Variants in MCF2L2 observed in about 807,000 individuals in gnomAD.
The protein encoded by MCF2L2 is MCF.2 cell line derived transforming sequence-like 2.
Under a neutral mutation model 150.2 loss-of-function variants are expected in MCF2L2, and 102 were observed. The ratio of observed to expected loss-of-function variants is 0.68; its 90% CI spans 0.58 to 0.80. The LOEUF (loss-of-function observed/expected upper bound fraction) is 0.80, where lower values mean the gene tolerates loss of function less well. Ranked by LOEUF, MCF2L2 falls within the 30% of genes least tolerant of loss-of-function variation. MCF2L2 has a pLI of 0.00. For synonymous variants in MCF2L2, 465 were observed against 491.3 expected (o/e 0.95, Z 0.71); for missense variants, 1,256 against 1,372.8 (o/e 0.91, Z 1.34).
intron 15 of MCF2L2, chr3:183,271,036 G>A (rs1726728591): frequency 8.6e-7 from 1 of 1,159,964 alleles, no homozygotes; most frequent in Non-Finnish European, 1.2e-6. Flanking sequence ...GAGGACGAAA[G>A]ACAAATATTT....
chr3:183,418,107 G>A lies in MCF2L2; in HGVS notation c.76+9795C>T, dbSNP rs1319486316. Among the ~76,000 whole-genome samples the A allele has an allele frequency of 2.6e-5, 4 of 152,230 alleles. No homozygotes were observed. The South Asian group carries it at 6.2e-4, about 24-fold the overall frequency. ...GGAGGCTGAGGCAGAAGAATCACTT[G>A]GACCCAGGAGGCAGAGGTTGCAGTG... is the stretch of plus-strand genomic sequence containing the variant. On this transcript the variant is annotated intron_variant, in intron 1 of 29. Transcript: ENST00000328913.
At position 183,180,447 on chromosome 3, in the gene MCF2L2, C is replaced by T. The variant is rs528230593; in HGVS notation, c.3017-288G>A. 1.6e-3 allele frequency: 618 copies of T among 391,542 alleles called. 1 individual carries two copies. Among genetic ancestry groups the T allele is most frequent in the Non-Finnish European group, 2.4e-3 (522 of 219,086 alleles). 24.3% of individuals were successfully genotyped at this position (391,542 alleles called of 1,614,324 possible). ...AACAGTCATTGTTTTTTGTGTTTGC[C>T]AGTCTTCTAACCACGCCTCCTTCCC... On this transcript the variant is annotated intron_variant, in intron 27 of 29. Transcript: ENST00000328913.
At chr3:183,279,662 T>C (rs1421249388) in intron 14 of MCF2L2, among the ~76,000 whole-genome samples, 2 of 151,402 alleles carry the variant, frequency 1.3e-5, no homozygotes, top group African/African-American at 2.5e-5. Flanking sequence ...TCTCCCCTTA[T>C]GGTCATTTTA....
At chr3:183,288,775 C>A (rs1181088976) in intron 14 of MCF2L2, among the ~76,000 whole-genome samples, 1 of 152,062 alleles carries the variant, frequency 6.6e-6, no homozygotes, top group Admixed American at 6.6e-5. Flanking sequence ...CCACCGCGCC[C>A]GGCCTGTCAT....
intron 3 of MCF2L2, among the ~76,000 whole-genome samples, chr3:183,371,343 A>G (rs1302635421): frequency 6.6e-6 from 1 of 152,130 alleles, no homozygotes; most frequent in African/African-American, 2.4e-5. Context: ...ACATCAATCT[A>G]TACACGTAAG....
chr3:183,184,475 A>G (rs1721629822), intron 27 of MCF2L2, among the ~76,000 whole-genome samples: 1 of 152,230 alleles, frequency 6.6e-6, no homozygotes, highest in Non-Finnish European at 1.5e-5. Context: ...GTATTGGTGG[A>G]GAAGGACAAG....
At chr3:183,339,007 T>C in intron 4 of MCF2L2, 88 bp from the exon 5 acceptor site, 1 of 1,336,884 alleles carries the variant, frequency 7.5e-7, no homozygotes, top group Non-Finnish European at 1.0e-6. Context: ...TTGCCCAAGA[T>C]TAAGATCACA....
At chr3:183,300,344 T>A (rs967378772) in intron 10 of MCF2L2, 148 bp from the exon 11 acceptor site, 1 of 712,584 alleles carries the variant, frequency 1.4e-6, no homozygotes, top group Admixed American at 3.5e-5. Flanking sequence ...AAGCTCGGAA[T>A]GGTTCCAGGC....
chr3:183,333,915 G>A (rs560399181), intron 5 of MCF2L2, among the ~76,000 whole-genome samples: 2 of 149,852 alleles, frequency 1.3e-5, no homozygotes, highest in East Asian at 3.9e-4. Flanking sequence ...GAGCATGCCT[G>A]AGAGGGGCCT....
intron 7 of MCF2L2, among the ~76,000 whole-genome samples, chr3:183,315,049 GC>G (rs1729548226): frequency 6.7e-6 from 1 of 148,400 alleles, no homozygotes; most frequent in Non-Finnish European, 1.5e-5. Context: ...TGATTCTCCT[GC>G]CTCAGCCTCC....
chr3:183,427,344 G>A (rs1376404706), intron 1 of MCF2L2, among the ~76,000 whole-genome samples: 2 of 152,168 alleles, frequency 1.3e-5, no homozygotes, highest in Non-Finnish European at 2.9e-5. Context: ...CAGTCTCCTT[G>A]GCTTGCAGAG....
chr3:183,370,033 C>T (rs1712771964), intron 3 of MCF2L2, among the ~76,000 whole-genome samples: 1 of 152,202 alleles, frequency 6.6e-6, no homozygotes, highest in Non-Finnish European at 1.5e-5. Context: ...TGGTATGTGG[C>T]TATCATCTTT....
intron 20 of MCF2L2, 53 bp downstream of exon 20, chr3:183,223,293 A>G: frequency 1.5e-6 from 2 of 1,333,266 alleles, no homozygotes; most frequent in Non-Finnish European, 2.2e-6. Context: ...TGGGCACCAC[A>G]GTGCAGGCGT....
At chr3:183,328,135 C>T (rs1388268128) in intron 5 of MCF2L2, among the ~76,000 whole-genome samples, 1 of 152,174 alleles carries the variant, frequency 6.6e-6, no homozygotes, top group African/African-American at 2.4e-5. Context: ...GTGAATACAC[C>T]AAGGTCCTGG....
In MCF2L2 at chr3:183,227,450, A is replaced by AG. The variant is rs1723384403; in HGVS notation, c.2115+846_2115+847insC. ...GCCTAAAGGAGGCTGTAGATTTAGA[A>AG]TTTTCGAATCATCCTCTATGTTGTA... On this transcript the variant is annotated intron_variant, in intron 18 of 29. Coordinates refer to ENST00000328913, the MANE Select transcript of MCF2L2 (RefSeq NM_015078.4). This position sits in a 1 kb window ranked among gnomAD's most constrained non-coding sequence, Gnocchi z 4.0. 6.6e-6 allele frequency: 1 copy of AG among 152,186 alleles called. No individual in the cohort carries two copies. Among genetic ancestry groups the AG allele is most frequent in the Non-Finnish European group, 1.5e-5 (1 of 68,032 alleles). The allele number at this position is 152,186 out of a possible 1,614,324, so 9.4% of individuals were successfully genotyped here.
chr3:183,180,473 T>C (rs547287464), intron 27 of MCF2L2, among the ~76,000 whole-genome samples: 1 of 152,158 alleles, frequency 6.6e-6, no homozygotes, highest in African/African-American at 2.4e-5. Context: ...CCTCCTTCCC[T>C]TCCTCCTCCC....
intron 22 of MCF2L2, among the ~76,000 whole-genome samples, chr3:183,209,770 T>C (rs1722625266): frequency 6.6e-6 from 1 of 152,196 alleles, no homozygotes; most frequent in Non-Finnish European, 1.5e-5. Flanking sequence ...ATTACAGGCA[T>C]AAGCCACTGC....
chr3:183,350,369 C>G lies in MCF2L2; in HGVS notation c.276-8739G>C, dbSNP rs183627495. On this transcript the variant is annotated intron_variant, in intron 3 of 29. Transcript: ENST00000328913. ...GAAAACGTCAACTAAACCAAATGCA[C>G]AGGAAATGGGGTTTCTGGCCAATGT... Among the ~76,000 whole-genome samples, 21 of 152,002 alleles carry G rather than the reference C, an allele frequency of 1.4e-4. No individual in the cohort carries two copies. The East Asian group carries it at 4.1e-3, about 29-fold the overall frequency.
intron 5 of MCF2L2, among the ~76,000 whole-genome samples, chr3:183,338,447 C>CAAAAA (rs58920831): frequency 1.9e-5 from 2 of 104,704 alleles, no homozygotes; most frequent in African/African-American, 7.0e-5. Context: ...AACTCTATCT[C>CAAAAA]AAAAAAAAAA....
Sources: gnomAD v4.1 joint callset for allele counts (sites outside exome capture counted in the v4.1 genomes callset) on GRCh38, gnomAD v4.1.1 for gene constraint, Gnocchi (gnomAD v3.1) non-coding constraint, MANE v1.5 for transcripts, NCBI Gene and HGNC (gene_info 2026-07-23, HGNC 2026-07-21) for gene names.